NOX4: variants seen among roughly 807,000 people sequenced by gnomAD.
The protein encoded by NOX4 is NADPH oxidase 4.
A neutral mutation model predicts 87.6 loss-of-function variants in NOX4; 69 were observed. The observed-to-expected ratio is 0.79, with a 90% CI of 0.65 to 0.96. NOX4 has a LOEUF of 0.96. NOX4 is among the 40% of genes least tolerant of loss of function. The pLI is 0.00. For synonymous variants in NOX4, 275 were observed against 238.2 expected, an observed-to-expected ratio of 1.15 and a Z score of -1.42; for missense variants, 680 against 681.5, an observed-to-expected ratio of 1.00 and a Z score of 0.02.
At chr11:89,474,218 C>A (rs531734994) in intron 2 of NOX4, among the ~76,000 whole-genome samples, 1 of 152,078 alleles carries the variant, frequency 6.6e-6, no homozygotes, top group Non-Finnish European at 1.5e-5. Flanking sequence ...AATTGACAAT[C>A]ACTGCATAGT....
At chr11:89,458,407 G>A (rs1189237190) in intron 2 of NOX4, among the ~76,000 whole-genome samples, 1 of 152,168 alleles carries the variant, frequency 6.6e-6, no homozygotes, top group Non-Finnish European at 1.5e-5. Context: ...CCTTGGCAAA[G>A]ATTTCATGAT....
the NOX4 span, among the ~76,000 whole-genome samples, chr11:89,513,882 T>C: frequency 6.6e-6 from 1 of 152,060 alleles, no homozygotes; most frequent in Non-Finnish European, 1.5e-5. Context: ...ATATCATTTT[T>C]AAAAATAATA....
intron 17 of NOX4, among the ~76,000 whole-genome samples, chr11:89,335,087 A>C (rs1441565694): frequency 6.6e-6 from 1 of 151,788 alleles, no homozygotes; most frequent in Non-Finnish European, 1.5e-5. Flanking sequence ...GTTAGAAATC[A>C]CATCTTTTAC....
At chr11:89,476,387 A>G (rs1297166806) in intron 2 of NOX4, among the ~76,000 whole-genome samples, 1 of 152,066 alleles carries the variant, frequency 6.6e-6, no homozygotes, top group Non-Finnish European at 1.5e-5. Flanking sequence ...TACTTAAAAT[A>G]CTCACTACAT....
the NOX4 span, among the ~76,000 whole-genome samples, chr11:89,543,752 C>T: frequency 2.6e-5 from 4 of 152,104 alleles, no homozygotes; most frequent in African/African-American, 9.7e-5. Context: ...AGTCAACTAA[C>T]ATTAACTCCT....
chr11:89,385,352 C>T (rs1940625022), intron 11 of NOX4, among the ~76,000 whole-genome samples: 1 of 152,146 alleles, frequency 6.6e-6, no homozygotes, highest in Non-Finnish European at 1.5e-5. Flanking sequence ...AATGCTTATG[C>T]TGTTAAGGTA....
intron 2 of NOX4, among the ~76,000 whole-genome samples, chr11:89,466,367 G>C (rs1400190932): frequency 1.3e-5 from 2 of 152,152 alleles, no homozygotes; most frequent in African/African-American, 4.8e-5. Flanking sequence ...AGTTAATTGA[G>C]AGGGATACAA....
At chr11:89,565,608 C>T in the NOX4 span, among the ~76,000 whole-genome samples, 4 of 152,064 alleles carry the variant, frequency 2.6e-5, no homozygotes, top group African/African-American at 7.2e-5. Context: ...ACATTTGCTA[C>T]AAGTTTTTGC....
At chr11:89,540,165 C>T in the NOX4 span, among the ~76,000 whole-genome samples, 7 of 152,038 alleles carry the variant, frequency 4.6e-5, no homozygotes, top group African/African-American at 1.7e-4. Flanking sequence ...AGTAAATGCT[C>T]CTATTCAAAA....
the NOX4 span, among the ~76,000 whole-genome samples, chr11:89,504,652 C>A: frequency 6.6e-6 from 1 of 151,828 alleles, no homozygotes; most frequent in Non-Finnish European, 1.5e-5. Flanking sequence ...AGTCTAAGTT[C>A]CATTGTGAAT....
Position 89,354,993 on chromosome 11 carries a change from G to C in NOX4, c.1186C>G (p.Leu396Val). 1 of 1,603,044 alleles carries C rather than the reference G, an allele frequency of 6.2e-7. No individual in the cohort carries two copies. Among genetic ancestry groups the C allele is most frequent in the Non-Finnish European group, 8.5e-7 (1 of 1,172,464 alleles). The change falls in exon 13 of 18, where the codon CTG becomes GTG. Residue 396 changes from leucine (L) to valine (V), a missense_variant. By Grantham distance (32) the Leu-to-Val change is conservative. Coordinates refer to ENST00000263317, the MANE Select transcript of NOX4 (RefSeq NM_016931.5). ...TAATTTCTAGATTGAATGAAGGGCAGAATTTCGGAGTCTTGACTAGATGGA... is the reference window on the plus strand; with the variant it reads ...TAATTTCTAGATTGAATGAAGGGCACAATTTCGGAGTCTTGACTAGATGGA... ...LPPSSQDSEI[L>V]PFIQSRNYPK...
chr11:89,401,627 G>A (rs1174521240), intron 9 of NOX4, among the ~76,000 whole-genome samples: 1 of 152,022 alleles, frequency 6.6e-6, no homozygotes, highest in African/African-American at 2.4e-5. Flanking sequence ...GAAGATAAGG[G>A]CCCTTATTGA....
At chr11:89,449,929 G>A (rs1591287074) in intron 3 of NOX4, among the ~76,000 whole-genome samples, 1 of 152,084 alleles carries the variant, frequency 6.6e-6, no homozygotes, top group African/African-American at 2.4e-5. Context: ...TTTCTGGAAT[G>A]TTTAAGTTTT....
At chr11:89,584,632 C>T in the NOX4 span, among the ~76,000 whole-genome samples, 1 of 152,074 alleles carries the variant, frequency 6.6e-6, no homozygotes, top group Non-Finnish European at 1.5e-5. Context: ...AACTATAATG[C>T]TTATTGGGAA....
Position 89,438,569 on chromosome 11 carries a change from A to ATATATAGTATATAT in NOX4, c.475+2118_475+2119insATATATACTATATA, listed in dbSNP as rs1565292574. 7.1e-4 allele frequency among the ~76,000 whole-genome samples: 64 copies of ATATATAGTATATAT among 90,208 alleles called. 1 individual carries two copies. The highest frequency in any genetic ancestry group is 2.7e-3 in the African/African-American group (58 of 21,596). 59.2% of individuals were successfully genotyped at this position (90,208 alleles called of 152,430 possible). On this transcript the variant is annotated intron_variant, in intron 6 of 17. Transcript: ENST00000263317. ...ATAATAATATACTATATATAATATA[A>ATATATAGTATATAT]TATATACTATATATTATATACTATA...
At chr11:89,424,963 C>G (rs1943296556) in intron 7 of NOX4, among the ~76,000 whole-genome samples, 2 of 152,008 alleles carry the variant, frequency 1.3e-5, no homozygotes. Context: ...GTGTTATAAT[C>G]TTGTTTAAAC....
the NOX4 span, among the ~76,000 whole-genome samples, chr11:89,569,428 T>C: frequency 6.6e-6 from 1 of 152,052 alleles, no homozygotes; most frequent in African/African-American, 2.4e-5. Flanking sequence ...AGAAAAGATA[T>C]ACACTCAGCC....
the NOX4 span, among the ~76,000 whole-genome samples, chr11:89,543,122 G>A: frequency 4.1e-4 from 63 of 152,140 alleles, no homozygotes; most frequent in Admixed American, 1.2e-3. Flanking sequence ...TTTGGGTGAC[G>A]GCTACACTAA....
chr11:89,483,975 C>G (rs1373934743), intron 2 of NOX4, among the ~76,000 whole-genome samples: 1 of 151,988 alleles, frequency 6.6e-6, no homozygotes, highest in African/African-American at 2.4e-5. Flanking sequence ...GTTATAGAAC[C>G]CCTCTAACTC....
Sources: allele counts gnomAD v4.1 joint callset (sites outside exome capture counted in the v4.1 genomes callset), GRCh38; gene constraint gnomAD v4.1.1; transcripts MANE v1.5; gene names NCBI Gene and HGNC (gene_info 2026-07-23, HGNC 2026-07-21).